The following GCNT1 variants were observed in gnomAD, a reference collection of about 807,000 sequenced individuals.
The protein encoded by GCNT1 is beta-1,3-galactosyl-O-glycosyl-glycoprotein beta-1,6-N-acetylglucosaminyltransferase.
In GCNT1, 16 loss-of-function variants were observed where a neutral mutation model predicts 26.2. The ratio of observed to expected loss-of-function variants is 0.61; its 90% CI spans 0.41 to 0.93. The LOEUF (loss-of-function observed/expected upper bound fraction) is 0.93, where lower values mean the gene tolerates loss of function less well. Ranked by LOEUF, GCNT1 falls within the 40% of genes least tolerant of loss-of-function variation. GCNT1 has a pLI of 0.00. For synonymous variants in GCNT1, 183 were observed against 190.8 expected (o/e 0.96, Z 0.34); for missense variants, 477 against 526.7 (o/e 0.91, Z 0.92).
the GCNT1 span, among the ~76,000 whole-genome samples, chr9:76,414,569 A>T: frequency 1.5e-4 from 23 of 152,352 alleles, no homozygotes; most frequent in Admixed American, 9.1e-4. Context: ...TAGATGATAA[A>T]CAAGGGGTAG....
At chr9:76,458,327 C>T (rs1212324107), upstream of GCNT1, among the ~76,000 whole-genome samples, 5 of 151,750 alleles carry the variant, frequency 3.3e-5, no homozygotes, top group African/African-American at 9.7e-5. Flanking sequence ...GGACTACAGG[C>T]GCCCGCCACC....
intron 2 of GCNT1, among the ~76,000 whole-genome samples, chr9:76,483,620 A>G (rs1019999352): frequency 6.6e-6 from 1 of 152,032 alleles, no homozygotes; most frequent in Non-Finnish European, 1.5e-5. Flanking sequence ...ATGGTATCTC[A>G]CCATTTTACT....
chr9:76,460,209 A>G (rs1823841617), intron 2 of GCNT1, 32 bp downstream of exon 2: 1 of 152,226 alleles, frequency 6.6e-6, no homozygotes, highest in Non-Finnish European at 1.5e-5. Flanking sequence ...CATGCTGTAG[A>G]TGCATATAAA....
intron 2 of GCNT1, among the ~76,000 whole-genome samples, chr9:76,481,925 G>T (rs1259480774): frequency 6.6e-6 from 1 of 152,100 alleles, no homozygotes; most frequent in East Asian, 1.9e-4. Context: ...ACAAACAGTG[G>T]GTTGCATTAT....
rs748889157 is a variant in GCNT1, at chr9:76,503,552, A to T, written c.1171A>T (p.Met391Leu). 6.2e-7 allele frequency: 1 copy of T among 1,614,156 alleles called. No homozygotes were observed. Reference sequence around the variant, plus strand: ...TTTCGGAGCTGGTGACTTGAACTGGATGCTGCGCAAACACCACTTGTTTGC... The same window carrying T: ...TTTCGGAGCTGGTGACTTGAACTGGTTGCTGCGCAAACACCACTTGTTTGC... ...CIFGAGDLNWMLRKHHLFANK... is the reference protein window; with the variant it reads ...CIFGAGDLNWLLRKHHLFANK... Residue 391 changes from methionine (M) to leucine (L), a missense_variant, in exon 4 of 4, where the codon ATG becomes TTG. Coordinates refer to ENST00000376730, the MANE Select transcript of GCNT1 (RefSeq NM_001490.5).
At chr9:76,443,238 A>C (rs1823508493) in intron 1 of GCNT1, among the ~76,000 whole-genome samples, 1 of 152,162 alleles carries the variant, frequency 6.6e-6, no homozygotes, top group Non-Finnish European at 1.5e-5. Flanking sequence ...CAGTGGTGCT[A>C]GAGGAATTAA....
At chr9:76,404,435 C>G in the GCNT1 span, among the ~76,000 whole-genome samples, 1 of 152,074 alleles carries the variant, frequency 6.6e-6, no homozygotes, top group Non-Finnish European at 1.5e-5. Context: ...TTATTACCAG[C>G]TGAATAAAAA....
intron 2 of GCNT1, among the ~76,000 whole-genome samples, chr9:76,494,091 A>G (rs1032341840): frequency 2.0e-5 from 3 of 152,098 alleles, no homozygotes; most frequent in Non-Finnish European, 2.9e-5. Flanking sequence ...CCAAGAACCC[A>G]TAACGGTCCC....
chr9:76,439,164 C>T (rs1165622943), upstream of GCNT1, among the ~76,000 whole-genome samples: 1 of 152,000 alleles, frequency 6.6e-6, no homozygotes, highest in Non-Finnish European at 1.5e-5. Context: ...TAGAATTCCT[C>T]ACCTACTAAA....
intron 1 of GCNT1, chr9:76,420,709 G>T (rs1823178746): frequency 6.6e-6 from 1 of 152,030 alleles, no homozygotes; most frequent in Non-Finnish European, 1.5e-5. Flanking sequence ...GGAGCCAGGA[G>T]GATCAATTGA....
chr9:76,398,816 A>G, the GCNT1 span: 1 of 1,400,664 alleles, frequency 7.1e-7, no homozygotes, highest in Non-Finnish European at 1.0e-6. Flanking sequence ...GTACATCTGT[A>G]AAAGGAAAAG....
chr9:76,456,712 C>T (rs994552326), upstream of GCNT1, among the ~76,000 whole-genome samples: 4 of 152,200 alleles, frequency 2.6e-5, no homozygotes, highest in African/African-American at 9.7e-5. Context: ...GTGGCTCACA[C>T]CTGTAATCCC....
chr9:76,478,853 TTTTA>T (rs971443820), intron 2 of GCNT1, among the ~76,000 whole-genome samples: 2 of 152,232 alleles, frequency 1.3e-5, no homozygotes, highest in Non-Finnish European at 2.9e-5. Flanking sequence ...TAGCAATACA[TTTTA>T]TTTATCTATT....
At chr9:76,405,877 A>G in the GCNT1 span, among the ~76,000 whole-genome samples, 2 of 152,228 alleles carry the variant, frequency 1.3e-5, no homozygotes, top group African/African-American at 4.8e-5. Context: ...TTGTGTGAAT[A>G]TAGGTTTTCA....
Position 76,504,677 on chromosome 9 carries a change from T to C in GCNT1, c.*1009T>C, listed in dbSNP as rs762479754. ...ACCAGCATTGACACCATCCCCAAAA[T>C]TAAGGCTGTCGCTTATTGAATCCAC... is the stretch of plus-strand genomic sequence containing the variant. On this transcript the variant is annotated 3_prime_UTR_variant, in exon 4 of 4. Transcript: ENST00000376730. The C allele has an allele frequency of 3.1e-5, 13 of 412,890 alleles. No homozygotes were observed. The highest frequency in any genetic ancestry group is 5.3e-5 in the Non-Finnish European group (12 of 226,116). The allele number at this position is 412,890 out of a possible 1,614,324, so 25.6% of individuals were successfully genotyped here.
intron 2 of GCNT1, among the ~76,000 whole-genome samples, chr9:76,470,419 T>C (rs1248762390): frequency 6.6e-6 from 1 of 151,658 alleles, no homozygotes. Flanking sequence ...GCCTGGGCAA[T>C]ATGGTAAAAC....
At chr9:76,461,473 A>G (rs576785335) in intron 2 of GCNT1, among the ~76,000 whole-genome samples, 251 of 151,710 alleles carry the variant, frequency 1.7e-3, no homozygotes, top group African/African-American at 5.8e-3. Flanking sequence ...AATCCCAGCT[A>G]CTCGGGAGGC....
At chr9:76,466,551 C>G (rs140166524) in intron 2 of GCNT1, among the ~76,000 whole-genome samples, 20 of 152,182 alleles carry the variant, frequency 1.3e-4, no homozygotes, top group Non-Finnish European at 2.2e-4. Flanking sequence ...AATCTGCCCA[C>G]CTTGGCTTCC....
At chr9:76,397,326 G>T in the GCNT1 span, among the ~76,000 whole-genome samples, 2 of 151,464 alleles carry the variant, frequency 1.3e-5, no homozygotes, top group Admixed American at 6.6e-5. Context: ...AAAAAAAAAG[G>T]AGAGTCTTGT....
Sources: gnomAD v4.1 joint callset for allele counts (sites outside exome capture counted in the v4.1 genomes callset) on GRCh38, gnomAD v4.1.1 for gene constraint, MANE v1.5 for transcripts, NCBI Gene and HGNC (gene_info 2026-07-23, HGNC 2026-07-21) for gene names.